The following SLC9A1 variants were observed in gnomAD, a reference collection of about 807,000 sequenced individuals.
The protein encoded by SLC9A1 is solute carrier family 9 member A1.
A neutral mutation model predicts 67.9 loss-of-function variants in SLC9A1; 22 were observed. The ratio of observed to expected loss-of-function variants is 0.32; its 90% CI spans 0.23 to 0.46. The LOEUF is 0.46. SLC9A1 is among the 20% of genes least tolerant of loss of function. The pLI is 1.00. For missense variants in SLC9A1, 686 were observed against 1,094.8 expected, an observed-to-expected ratio of 0.63 and a Z score of 5.27; for synonymous variants, 421 against 471.8, an observed-to-expected ratio of 0.89 and a Z score of 1.40.
intron 1 of SLC9A1, among the ~76,000 whole-genome samples, chr1:27,135,524 G>GAAAAAAAAA (rs1464533443): frequency 5.7e-5 from 4 of 70,364 alleles, no homozygotes; most frequent in African/African-American, 2.9e-4. Flanking sequence ...CCTTTTTTCT[G>GAAAAAAAAA]GAAAAAAAAA....
chr1:27,134,071 G>GGA (rs2083403793), intron 1 of SLC9A1, among the ~76,000 whole-genome samples: 1 of 152,040 alleles, frequency 6.6e-6, no homozygotes. Context: ...CCTGAGCCCT[G>GGA]GACATTTTCT....
At chr1:27,116,314 C>T (rs1423129218) in intron 1 of SLC9A1, among the ~76,000 whole-genome samples, 1 of 151,960 alleles carries the variant, frequency 6.6e-6, no homozygotes, top group African/African-American at 2.4e-5. Context: ...GAGCCGAGAT[C>T]ACGCCACTGA....
chr1:27,110,236 G>T (rs1292595190), intron 2 of SLC9A1, among the ~76,000 whole-genome samples: 1 of 152,198 alleles, frequency 6.6e-6, no homozygotes, highest in Non-Finnish European at 1.5e-5. Flanking sequence ...TATCAAGTCT[G>T]CCTCTCACTG....
At chr1:27,143,162 G>T (rs746717901) in intron 1 of SLC9A1, among the ~76,000 whole-genome samples, 15 of 151,456 alleles carry the variant, frequency 9.9e-5, no homozygotes, top group Non-Finnish European at 1.9e-4. Context: ...CTTTATCATG[G>T]ACTCAGAAAC....
At chr1:27,138,990 T>G (rs968824721) in intron 1 of SLC9A1, among the ~76,000 whole-genome samples, 3 of 151,828 alleles carry the variant, frequency 2.0e-5, no homozygotes, top group Admixed American at 1.3e-4. Flanking sequence ...GAAGATGGAG[T>G]GAAGAGGCAA....
chr1:27,133,731 T>G (rs534796741), intron 1 of SLC9A1, among the ~76,000 whole-genome samples: 1 of 151,750 alleles, frequency 6.6e-6, no homozygotes, highest in East Asian at 1.9e-4. Flanking sequence ...GTCCCTCAGC[T>G]AGGGAAGGGG....
chr1:27,120,192 T>C (rs866392824), intron 1 of SLC9A1, among the ~76,000 whole-genome samples: 5 of 152,130 alleles, frequency 3.3e-5, no homozygotes, highest in South Asian at 2.1e-4. Context: ...GTGGCGCGAT[T>C]TCGGCTCACT....
chr1:27,103,689 T>A (rs1358952739), intron 5 of SLC9A1: 2 of 272,184 alleles, frequency 7.3e-6, no homozygotes, highest in East Asian at 7.6e-5. Flanking sequence ...CCACCAGGAC[T>A]GTGAGGAGGA....
At chr1:27,149,682 T>G (rs1289412515) in intron 1 of SLC9A1, among the ~76,000 whole-genome samples, 3 of 152,212 alleles carry the variant, frequency 2.0e-5, no homozygotes. Flanking sequence ...ACGTTCAGCC[T>G]CTACGTTGGT....
Position 27,101,044 on chromosome 1 carries a change from C to T in SLC9A1, c.2110+159G>A, listed in dbSNP as rs1225550874. Among the ~76,000 whole-genome samples the T allele has an allele frequency of 1.3e-5, 2 of 152,204 alleles. No individual in the cohort carries two copies. The highest frequency in any genetic ancestry group is 1.9e-4 in the East Asian group (1 of 5,190). ...GAACGTCTCTCTCCCTAGGGATGGC[C>T]CCTGACGTAGAAGCAGCTCATGGCT... is the stretch of plus-strand genomic sequence containing the variant. On this transcript the variant is annotated intron_variant, in intron 11 of 11. Transcript: ENST00000263980. The surrounding 1 kb of genome is among the most constrained non-coding windows in gnomAD (Gnocchi z 4.9).
chr1:27,118,627 A>G lies in SLC9A1; in HGVS notation c.353-4341T>C, dbSNP rs557308805. On this transcript the variant is annotated intron_variant, in intron 1 of 11. Transcript: ENST00000263980. The surrounding 1 kb of genome is among the most constrained non-coding windows in gnomAD (Gnocchi z 4.3). ...CCCAGGATGCCAAGAGATGAGGCAAAACTTTCAGGGCCCAAACATGCAGCA... is the reference window on the plus strand; with the variant it reads ...CCCAGGATGCCAAGAGATGAGGCAAGACTTTCAGGGCCCAAACATGCAGCA... 1.3e-5 allele frequency among the ~76,000 whole-genome samples: 2 copies of G among 152,328 alleles called. No homozygotes were observed. Among genetic ancestry groups the G allele is most frequent in the Non-Finnish European group, 2.9e-5 (2 of 68,028 alleles).
rs2083429701 is a variant in SLC9A1, at chr1:27,137,901, T to C, written c.352+16082A>G. On this transcript the variant is annotated intron_variant, in intron 1 of 11. Coordinates refer to ENST00000263980, the MANE Select transcript of SLC9A1 (RefSeq NM_003047.5). This position sits in a 1 kb window ranked among gnomAD's most constrained non-coding sequence, Gnocchi z 4.6. The stretch of plus-strand genomic sequence containing the variant: ...CAGCGTCCTGCTCGCCCCTCCCTGC[T>C]AGCAGCTCTCCTAGGCTGGAGCTTC... 6.6e-6 allele frequency among the ~76,000 whole-genome samples: 1 copy of C among 152,206 alleles called. No homozygotes were observed.
chr1:27,101,314 G>A lies in SLC9A1; in HGVS notation c.2038-39C>T, dbSNP rs1206980448. The stretch of plus-strand genomic sequence containing the variant: ...CAGACGGGGTGAGCACAGGCAGCTG[G>A]GCAGAGGGAGCCCCTCAGGACAGAA... On this transcript the variant is annotated intron_variant, in intron 10 of 11. Coordinates refer to ENST00000263980, the MANE Select transcript of SLC9A1 (RefSeq NM_003047.5). The surrounding 1 kb of genome is among the most constrained non-coding windows in gnomAD (Gnocchi z 4.9). The A allele has an allele frequency of 1.9e-6, 3 of 1,539,756 alleles. No homozygotes were observed. The South Asian group carries it at 3.4e-5, about 17-fold the overall frequency.
Position 27,102,857 on chromosome 1 carries a change from G to A in SLC9A1, c.1576-114C>T, listed in dbSNP as rs2083157335. ...GCAGCCCTGCTGGGTCCAGCCCTGTGGTTCCATGAGCAGCCAGGAGGTGGC... is the reference window on the plus strand; with the variant it reads ...GCAGCCCTGCTGGGTCCAGCCCTGTAGTTCCATGAGCAGCCAGGAGGTGGC... On this transcript the variant is annotated intron_variant, in intron 6 of 11. Transcript: ENST00000263980. 3.2e-6 allele frequency: 3 copies of A among 940,256 alleles called. 1 individual carries two copies. The South Asian group carries it at 4.3e-5, about 13-fold the overall frequency. 58.2% of individuals were successfully genotyped at this position (940,256 alleles called of 1,614,324 possible).
Position 27,118,636 on chromosome 1 carries a change from G to A in SLC9A1, c.353-4350C>T, listed in dbSNP as rs2083287144. Among the ~76,000 whole-genome samples, 1 of 152,160 alleles carries A rather than the reference G, an allele frequency of 6.6e-6. No homozygotes were observed. The stretch of plus-strand genomic sequence containing the variant: ...CCAAGAGATGAGGCAAAACTTTCAG[G>A]GCCCAAACATGCAGCAGCAGTGATG... On this transcript the variant is annotated intron_variant, in intron 1 of 11. Coordinates refer to ENST00000263980, the MANE Select transcript of SLC9A1 (RefSeq NM_003047.5). This position sits in a 1 kb window ranked among gnomAD's most constrained non-coding sequence, Gnocchi z 4.3.
At chr1:27,111,156 G>T (rs150292320) in intron 2 of SLC9A1, among the ~76,000 whole-genome samples, 1 of 152,260 alleles carries the variant, frequency 6.6e-6, no homozygotes, top group Non-Finnish European at 1.5e-5. Context: ...GGATAGGACA[G>T]GGCTCCAGCG....
At chr1:27,130,047 G>A (rs2083374386) in intron 1 of SLC9A1, among the ~76,000 whole-genome samples, 1 of 152,220 alleles carries the variant, frequency 6.6e-6, no homozygotes, top group South Asian at 2.1e-4. Context: ...CTCCTTTGCT[G>A]TGTGACCTTG....
Position 27,098,854 on chromosome 1 carries a change from A to G in SLC9A1, c.*1453T>C, listed in dbSNP as rs2083116139. ...ATTTATTAGAATATGAAAAAGATTC[A>G]GTTTCTTCTGTACAGGCAGCAGAGT... On this transcript the variant is annotated 3_prime_UTR_variant, in exon 12 of 12. Transcript: ENST00000263980. The G allele has an allele frequency of 6.6e-6, 1 of 152,558 alleles. No individual in the cohort carries two copies. Among genetic ancestry groups the G allele is most frequent in the Admixed American group, 6.5e-5 (1 of 15,290 alleles). The allele number at this position is 152,558 out of a possible 1,614,324, so 9.5% of individuals were successfully genotyped here. A position where few individuals can be genotyped will look rare whatever the true frequency, so the allele number is the denominator to read the frequency against.
Position 27,109,792 on chromosome 1 carries a change from C to T in SLC9A1, c.814-15G>A, listed in dbSNP as rs1042893936. On this transcript the variant is annotated splice_polypyrimidine_tract_variant and intron_variant, in intron 2 of 11. Transcript: ENST00000263980. This position sits in a 1 kb window ranked among gnomAD's most constrained non-coding sequence, Gnocchi z 5.5. ...TGATACAGGACCTGGGGAGGGTGTG[C>T]AGGCTGGTGGGTGGGAGGAGAGGGC... 2.5e-6 allele frequency: 4 copies of T among 1,612,702 alleles called. No homozygotes were observed. The African/African-American group carries it at 5.3e-5, about 22-fold the overall frequency.
Sources: gnomAD v4.1 joint callset for allele counts (sites outside exome capture counted in the v4.1 genomes callset) on GRCh38, gnomAD v4.1.1 for gene constraint, Gnocchi (gnomAD v3.1) non-coding constraint, MANE v1.5 for transcripts, NCBI Gene and HGNC (gene_info 2026-07-23, HGNC 2026-07-21) for gene names.